PLEKHH2: variants seen among roughly 807,000 people sequenced by gnomAD.
PLEKHH2 encodes pleckstrin homology, MyTH4 and FERM domain containing H2, also known as pleckstrin homology domain-containing family H member 2.
Under a neutral mutation model 187.9 loss-of-function variants are expected in PLEKHH2, and 129 were observed. The ratio of observed to expected loss-of-function variants is 0.69; its 90% CI spans 0.59 to 0.79. The LOEUF is 0.79. Ranked by LOEUF, PLEKHH2 falls within the 30% of genes least tolerant of loss-of-function variation. PLEKHH2 has a pLI of 0.00. For synonymous variants in PLEKHH2, 686 were observed against 605.6 expected (o/e 1.13, Z -1.95); for missense variants, 2,076 against 1,751.2 (o/e 1.19, Z -3.31).
chr2:43,711,349 G>A, intron 14 of PLEKHH2: 1 of 985,342 alleles, frequency 1.0e-6, no homozygotes, highest in Non-Finnish European at 1.2e-6. Flanking sequence ...CTTTGGGCAT[G>A]GCAGTTAAGA....
At chr2:43,749,329 A>G (rs1476908978) in intron 24 of PLEKHH2, among the ~76,000 whole-genome samples, 2 of 152,178 alleles carry the variant, frequency 1.3e-5, no homozygotes, top group African/African-American at 4.8e-5. Flanking sequence ...TGGAGTCTTC[A>G]CTTCAAGTTG....
intron 24 of PLEKHH2, among the ~76,000 whole-genome samples, chr2:43,750,551 C>T (rs1449306245): frequency 6.6e-6 from 1 of 151,968 alleles, no homozygotes; most frequent in Non-Finnish European, 1.5e-5. Flanking sequence ...TACTGGTACT[C>T]CTACTACTAC....
At chr2:43,666,294 C>T (rs1667202492) in intron 2 of PLEKHH2, among the ~76,000 whole-genome samples, 1 of 151,342 alleles carries the variant, frequency 6.6e-6, no homozygotes, top group African/African-American at 2.5e-5. Flanking sequence ...TGACCCCTTG[C>T]GCTTCCCAGG....
chr2:43,691,821 C>T (rs941657353), intron 3 of PLEKHH2, among the ~76,000 whole-genome samples: 1 of 152,140 alleles, frequency 6.6e-6, no homozygotes, highest in Non-Finnish European at 1.5e-5. Context: ...CTGTGCCAGG[C>T]CTAGAATGTA....
At chr2:43,754,881 T>TC (rs1427263270) in intron 25 of PLEKHH2, among the ~76,000 whole-genome samples, 1 of 149,932 alleles carries the variant, frequency 6.7e-6, no homozygotes, top group East Asian at 1.9e-4. Flanking sequence ...TTTTTTTTTT[T>TC]TTTTTTTTTG....
intron 17 of PLEKHH2, among the ~76,000 whole-genome samples, chr2:43,726,752 A>G (rs1024416713): frequency 1.6e-4 from 25 of 152,114 alleles, no homozygotes; most frequent in African/African-American, 6.0e-4. Context: ...AAATCTAAGG[A>G]CTCTGTTTTA....
intron 20 of PLEKHH2, among the ~76,000 whole-genome samples, chr2:43,739,692 C>T (rs559462971): frequency 6.6e-6 from 1 of 152,348 alleles, no homozygotes; most frequent in East Asian, 1.9e-4. Context: ...TCATCTGGCT[C>T]CACTGGCCCG....
chr2:43,666,836 A>G (rs1188538796), intron 2 of PLEKHH2, among the ~76,000 whole-genome samples: 1 of 152,152 alleles, frequency 6.6e-6, no homozygotes, highest in Non-Finnish European at 1.5e-5. Flanking sequence ...AATTCCTTAT[A>G]TATTCTGGAT....
In PLEKHH2 at chr2:43,755,238, T is replaced by C. The variant is rs182082132; in HGVS notation, c.3795+1478T>C. ...CTCTGTGTTCACATTCTGTCTCCTC[T>C]TTATGATACTGCCTCCACCCGGTCC... is the stretch of plus-strand genomic sequence containing the variant. On this transcript the variant is annotated intron_variant, in intron 25 of 29. Coordinates refer to ENST00000282406, the MANE Select transcript of PLEKHH2 (RefSeq NM_172069.4). 2.3e-3 allele frequency among the ~76,000 whole-genome samples: 348 copies of C among 152,244 alleles called. 2 individuals are homozygous for C. Among genetic ancestry groups the C allele is most frequent in the African/African-American group, 8.1e-3 (337 of 41,536 alleles).
At chr2:43,731,437 G>C in intron 18 of PLEKHH2, 53 bp from the exon 19 acceptor site, 1 of 1,167,982 alleles carries the variant, frequency 8.6e-7, no homozygotes, top group African/African-American at 1.5e-5. Flanking sequence ...TTAATAAGAG[G>C]CCACAATAAG....
chr2:43,725,339 G>C (rs889314630), intron 16 of PLEKHH2, among the ~76,000 whole-genome samples: 2 of 152,130 alleles, frequency 1.3e-5, no homozygotes, highest in African/African-American at 4.8e-5. Context: ...GTGTCCAAAG[G>C]GAAAAGAATG....
At chr2:43,675,005 C>T (rs1314945360) in intron 2 of PLEKHH2, 2 of 158,744 alleles carry the variant, frequency 1.3e-5, no homozygotes, top group East Asian at 1.8e-4. Context: ...AAAAATGCTG[C>T]CATGTGGACA....
intron 1 of PLEKHH2, 118 bp from the exon 2 acceptor site, chr2:43,644,553 G>A (rs1469429128): frequency 1.3e-6 from 1 of 767,866 alleles, no homozygotes; most frequent in East Asian, 3.1e-5. Flanking sequence ...GATCTCACTA[G>A]ACAGTGATTA....
chr2:43,680,837 C>A (rs1483338624), intron 3 of PLEKHH2: 1 of 471,896 alleles, frequency 2.1e-6, no homozygotes, highest in Non-Finnish European at 3.9e-6. Context: ...ATTTGCTTGA[C>A]TTATTTGATT....
chr2:43,749,433 C>T (rs117008891), intron 24 of PLEKHH2, among the ~76,000 whole-genome samples: 1 of 152,208 alleles, frequency 6.6e-6, no homozygotes, highest in Non-Finnish European at 1.5e-5. Flanking sequence ...AGCTCCCCGA[C>T]CACCTTGGGT....
chr2:43,706,466 T>G, intron 10 of PLEKHH2, 50 bp downstream of exon 10: 1 of 1,291,802 alleles, frequency 7.7e-7, no homozygotes, highest in East Asian at 2.3e-5. Context: ...TCATGATGGA[T>G]CAAGGAAATT....
intron 28 of PLEKHH2, 121 bp downstream of exon 28, chr2:43,762,511 A>G (rs1672468568): frequency 1.4e-6 from 1 of 703,948 alleles, no homozygotes; most frequent in African/African-American, 1.8e-5. Flanking sequence ...ATTCTTCCTA[A>G]TACTATGTCA....
chr2:43,659,384 T>C (rs1018938136), intron 2 of PLEKHH2, among the ~76,000 whole-genome samples: 1 of 151,986 alleles, frequency 6.6e-6, no homozygotes, highest in Non-Finnish European at 1.5e-5. Flanking sequence ...TCAATTCTTG[T>C]CCTTTAAAAA....
At chr2:43,749,977 C>T (rs1021725151) in intron 24 of PLEKHH2, among the ~76,000 whole-genome samples, 2 of 152,300 alleles carry the variant, frequency 1.3e-5, no homozygotes, top group South Asian at 2.1e-4. Context: ...CATAGACAAC[C>T]GTTGGCAACT....
Sources: gnomAD v4.1 joint callset for allele counts (sites outside exome capture counted in the v4.1 genomes callset) on GRCh38, gnomAD v4.1.1 for gene constraint, MANE v1.5 for transcripts, NCBI Gene and HGNC (gene_info 2026-07-23, HGNC 2026-07-21) for gene names.